The following CACNA1B variants were observed in gnomAD, a reference collection of about 807,000 sequenced individuals.
CACNA1B encodes voltage-dependent N-type calcium channel subunit alpha-1B.
In CACNA1B, 70 loss-of-function variants were observed where a neutral mutation model predicts 247.2. That is an observed-to-expected ratio of 0.28 (90% CI 0.23 to 0.35). The LOEUF (loss-of-function observed/expected upper bound fraction) is 0.35. Among genes scored for constraint, CACNA1B ranks in the 10% least tolerant of loss-of-function variants. The pLI, the probability that CACNA1B is intolerant of heterozygous loss-of-function variation, is 1.00. For missense variants in CACNA1B, 2,367 were observed against 3,197.4 expected, an observed-to-expected ratio of 0.74 and a Z score of 6.26; for synonymous variants, 1,231 against 1,294.4, an observed-to-expected ratio of 0.95 and a Z score of 1.05.
At chr9:138,077,430 T>A (rs1261716737) in intron 35 of CACNA1B, among the ~76,000 whole-genome samples, 2 of 151,762 alleles carry the variant, frequency 1.3e-5, no homozygotes, top group Non-Finnish European at 2.9e-5. Context: ...GGGGGTGAAG[T>A]CAGGGAAAGA....
chr9:137,975,252 C>A (rs1958205377), intron 11 of CACNA1B, among the ~76,000 whole-genome samples: 1 of 152,194 alleles, frequency 6.6e-6, no homozygotes, highest in African/African-American at 2.4e-5. Flanking sequence ...CCGCAGGAAC[C>A]TCTGTGTGAC....
intron 15 of CACNA1B, among the ~76,000 whole-genome samples, chr9:138,003,906 G>T (rs982387119): frequency 2.0e-5 from 3 of 151,402 alleles, no homozygotes; most frequent in Non-Finnish European, 4.4e-5. Context: ...ACAGACGTGA[G>T]CCACCACGCC....
chr9:138,006,059 AAAG>A (rs1958645215), intron 15 of CACNA1B, among the ~76,000 whole-genome samples: 1 of 151,484 alleles, frequency 6.6e-6, no homozygotes, highest in Non-Finnish European at 1.5e-5. Flanking sequence ...AAAAAAAAAA[AAAG>A]AAATTTAAAA....
rs1410093155 is a variant in CACNA1B, at chr9:137,888,009, G to A, written c.530+5126G>A. Among the ~76,000 whole-genome samples the A allele has an allele frequency of 6.6e-6, 1 of 151,834 alleles. No homozygotes were observed. The highest frequency in any genetic ancestry group is 1.5e-5 in the Non-Finnish European group (1 of 67,964). ...GCAGGGGAGAGGCTGGGAGGGTGGC[G>A]GGGGCAGGGGGGCCTTGGCTCGGGC... On this transcript the variant is annotated intron_variant, in intron 3 of 46. Coordinates refer to ENST00000371372, the MANE Select transcript of CACNA1B (RefSeq NM_000718.4). This position sits in a 1 kb window ranked among gnomAD's most constrained non-coding sequence, Gnocchi z 4.7.
rs778687322 is a variant in CACNA1B, at chr9:138,023,246, C to G, written c.2503C>G (p.Arg835Gly). The G allele has an allele frequency of 1.3e-5, 19 of 1,512,550 alleles. No homozygotes were observed. In the South Asian group the frequency reaches 2.0e-4, roughly 16 times the overall value. 93.7% of individuals were successfully genotyped at this position (1,512,550 alleles called of 1,614,324 possible). ...GARGPVGGKA[R>G]PEAAEAPEGV... ...GCGGGGGCCCGTGGGAGGCAAAGCC[C>G]GACCTGAGGCTGCGGAGGCCCCCGA... The change falls in exon 19 of 47, where the codon CGA becomes GGA. Residue 835 changes from arginine to glycine, a missense_variant. Arg to Gly is a moderately radical substitution (Grantham distance 125, BLOSUM62 -2). Transcript: ENST00000371372.
At chr9:138,093,315 G>A (rs1374000493) in intron 36 of CACNA1B, among the ~76,000 whole-genome samples, 4 of 150,088 alleles carry the variant, frequency 2.7e-5, no homozygotes, top group African/African-American at 9.9e-5. Flanking sequence ...CTACTCAGGA[G>A]GCTGAGGCAT....
rs1459505513 is a variant in CACNA1B, at chr9:138,102,578, T to C, written c.5223-133T>C. 2 of 539,692 alleles carry C rather than the reference T, an allele frequency of 3.7e-6. No homozygotes were observed. Among genetic ancestry groups the C allele is most frequent in the Non-Finnish European group, 6.6e-6 (2 of 304,266 alleles). 33.4% of individuals were successfully genotyped at this position (539,692 alleles called of 1,614,324 possible). A position where few individuals can be genotyped will look rare whatever the true frequency, so the allele number is the denominator to read the frequency against. On this transcript the variant is annotated intron_variant, in intron 37 of 46. Coordinates refer to ENST00000371372, the MANE Select transcript of CACNA1B (RefSeq NM_000718.4). The surrounding 1 kb of genome is among the most constrained non-coding windows in gnomAD (Gnocchi z 5.4). Reference sequence around the variant, plus strand: ...ATTTTGGGCTTTGAATCCGACACTTTGATTAACTGGCTCTGTTTTCTTGTC... The same window carrying C: ...ATTTTGGGCTTTGAATCCGACACTTCGATTAACTGGCTCTGTTTTCTTGTC...
chr9:138,060,464 A>C (rs765594335), intron 31 of CACNA1B, among the ~76,000 whole-genome samples: 1 of 152,230 alleles, frequency 6.6e-6, no homozygotes, highest in African/African-American at 2.4e-5. Flanking sequence ...TCCCAAGCCA[A>C]GTCCTGGTGG....
chr9:137,966,759 C>T (rs1345185510), intron 10 of CACNA1B, among the ~76,000 whole-genome samples: 3 of 151,854 alleles, frequency 2.0e-5, no homozygotes, highest in African/African-American at 4.8e-5. Context: ...AGGACAGTCT[C>T]GATCTCCTGA....
At chr9:137,927,346 C>T (rs1957563209) in intron 6 of CACNA1B, among the ~76,000 whole-genome samples, 1 of 151,716 alleles carries the variant, frequency 6.6e-6, no homozygotes, top group South Asian at 2.1e-4. Flanking sequence ...CCTCAGCCTC[C>T]TGAGTAGCTG....
intron 6 of CACNA1B, among the ~76,000 whole-genome samples, chr9:137,926,850 T>C (rs1403420800): frequency 2.0e-5 from 3 of 152,234 alleles, no homozygotes; most frequent in Non-Finnish European, 4.4e-5. Context: ...TTTGAAGAAA[T>C]GTCTGTTGGA....
intron 6 of CACNA1B, among the ~76,000 whole-genome samples, chr9:137,926,980 G>C (rs1957558213): frequency 6.6e-6 from 1 of 152,148 alleles, no homozygotes; most frequent in South Asian, 2.1e-4. Flanking sequence ...CATTCTATGT[G>C]TGCCCTTTTT....
intron 24 of CACNA1B, chr9:138,049,972 G>C: frequency 1.3e-6 from 1 of 768,308 alleles, no homozygotes; most frequent in Non-Finnish European, 2.0e-6. Context: ...CCTAGTGGAC[G>C]ACAGACATGA....
intron 3 of CACNA1B, among the ~76,000 whole-genome samples, chr9:137,909,024 C>A (rs1957330707): frequency 1.5e-5 from 2 of 136,880 alleles, no homozygotes; most frequent in South Asian, 4.7e-4. Flanking sequence ...GAATTTCGCT[C>A]TTGTTGCCCA....
At chr9:138,038,070 A>G (rs1195233650) in intron 20 of CACNA1B, among the ~76,000 whole-genome samples, 1 of 152,184 alleles carries the variant, frequency 6.6e-6, no homozygotes, top group Non-Finnish European at 1.5e-5. Context: ...CCCTTTATTT[A>G]TAAGTTTTCA....
At chr9:137,945,901 C>T (rs1957790351) in intron 6 of CACNA1B, among the ~76,000 whole-genome samples, 2 of 152,186 alleles carry the variant, frequency 1.3e-5, no homozygotes, top group South Asian at 4.1e-4. Flanking sequence ...TCACTGCAAC[C>T]TCCGCCTTCC....
chr9:138,057,675 T>A lies in CACNA1B; in HGVS notation c.3969-57T>A, dbSNP rs1959562086. 1 of 1,536,638 alleles carries A rather than the reference T, an allele frequency of 6.5e-7. No individual in the cohort carries two copies. Among genetic ancestry groups the A allele is most frequent in the African/African-American group, 1.4e-5 (1 of 73,628 alleles). On this transcript the variant is annotated intron_variant, in intron 26 of 46. Transcript: ENST00000371372. This position sits in a 1 kb window ranked among gnomAD's most constrained non-coding sequence, Gnocchi z 4.0. ...GAATGGTTTCAACACTCTTGATAGGTGGGTTTATTTGGATCTTTTGTCTTT... is the reference window on the plus strand; with the variant it reads ...GAATGGTTTCAACACTCTTGATAGGAGGGTTTATTTGGATCTTTTGTCTTT...
rs760199264 is a variant in CACNA1B, at chr9:138,023,387, C to G, written c.2644C>G (p.Arg882Gly). 7.8e-7 allele frequency: 1 copy of G among 1,284,538 alleles called. No individual in the cohort carries two copies. 79.6% of individuals were successfully genotyped at this position (1,284,538 alleles called of 1,614,324 possible). A position where few individuals can be genotyped will look rare whatever the true frequency, so the allele number is the denominator to read the frequency against. ...PKAESGEPGA[R>G]EERPRPHRSH... ...GGCGGAGAGCGGGGAGCCCGGTGCC[C>G]GGGAGGAGCGGCCGCGGCCGCACCG... The change falls in exon 19 of 47, where the codon CGG becomes GGG. Residue 882 changes from arginine to glycine, a missense_variant. This residue lies in a region of CACNA1B where 631 missense variants were observed against 631.1 expected (regional missense o/e 1.00). Transcript: ENST00000371372.
At position 137,973,735 on chromosome 9, in the gene CACNA1B, A is replaced by G. The variant is rs1958183894; in HGVS notation, c.1543+2143A>G. ...GCCTGCTGGTAGGATGCATGATACA[A>G]GAGTGTACGAATGAATGCCCTTTCT... On this transcript the variant is annotated intron_variant, in intron 11 of 46. Transcript: ENST00000371372. This position sits in a 1 kb window ranked among gnomAD's most constrained non-coding sequence, Gnocchi z 4.1. Among the ~76,000 whole-genome samples, 1 of 152,196 alleles carries G rather than the reference A, an allele frequency of 6.6e-6. No individual in the cohort carries two copies. The highest frequency in any genetic ancestry group is 2.4e-5 in the African/African-American group (1 of 41,448).
Sources: allele counts gnomAD v4.1 joint callset (sites outside exome capture counted in the v4.1 genomes callset), GRCh38; gene constraint gnomAD v4.1.1; regional missense constraint gnomAD v4.1.1; non-coding constraint Gnocchi (gnomAD v3.1); transcripts MANE v1.5; gene names NCBI Gene and HGNC (gene_info 2026-07-23, HGNC 2026-07-21).